Variants in GUF1 observed in about 807,000 individuals in gnomAD.
GUF1 encodes the protein GTP binding elongation factor GUF1.
Under a neutral mutation model 82.4 loss-of-function variants are expected in GUF1, and 78 were observed. That is an observed-to-expected ratio of 0.95 (90% CI 0.79 to 1.14). The LOEUF is 1.14. Ranked by LOEUF, GUF1 falls within the 50% of genes most tolerant of loss-of-function variation. GUF1 has a pLI of 0.00. For synonymous variants in GUF1, 279 were observed against 282.3 expected, an observed-to-expected ratio of 0.99 and a Z score of 0.12; for missense variants, 814 against 798.2, an observed-to-expected ratio of 1.02 and a Z score of -0.24.
At chr4:44,689,141 G>A in intron 9 of GUF1, 145 bp from the exon 10 acceptor site, 2 of 626,986 alleles carry the variant, frequency 3.2e-6, no homozygotes, top group Non-Finnish European at 4.7e-6. Context: ...TTCATTTTTA[G>A]CAAACCAATA....
At chr4:44,697,992 A>G (rs987324957) in intron 16 of GUF1, among the ~76,000 whole-genome samples, 3 of 152,114 alleles carry the variant, frequency 2.0e-5, no homozygotes, top group African/African-American at 7.2e-5. Flanking sequence ...CTGAAAATAC[A>G]AAAATTAGCC....
Position 44,697,445 on chromosome 4 carries a change from G to A in GUF1, c.1872+1G>A, listed in dbSNP as rs749905802. 6.5e-7 allele frequency: 1 copy of A among 1,530,538 alleles called. No individual in the cohort carries two copies. The highest frequency in any genetic ancestry group is 9.0e-7 in the Non-Finnish European group (1 of 1,115,714). The allele number at this position is 1,530,538 out of a possible 1,614,324, so 94.8% of individuals were successfully genotyped here. On this transcript the variant is annotated splice_donor_variant, in intron 16 of 16. Transcript: ENST00000281543. LOFTEE classifies it high-confidence loss of function. The stretch of plus-strand genomic sequence containing the variant: ...TAGGAAAAACGTTTTGGCAAAATGT[G>A]TATGTATCTAGTTGTATTTATTCTA...
chr4:44,686,452 A>G (rs1172724852), intron 7 of GUF1, 58 bp from the exon 8 acceptor site: 9 of 1,069,238 alleles, frequency 8.4e-6, no homozygotes, highest in African/African-American at 3.2e-5. Context: ...GAAAATAAGA[A>G]TTTTATTAAG....
At chr4:44,680,928 G>A (rs1289836697) in intron 3 of GUF1, 86 bp downstream of exon 3, 2 of 1,255,048 alleles carry the variant, frequency 1.6e-6, no homozygotes, top group South Asian at 1.4e-5. Flanking sequence ...TTTTTGAACT[G>A]AGTATTAAAC....
At chr4:44,684,900 A>ATTTCTTTTTTCCAGTAATG (rs1174243547) in intron 6 of GUF1, among the ~76,000 whole-genome samples, 2 of 152,120 alleles carry the variant, frequency 1.3e-5, no homozygotes, top group Non-Finnish European at 2.9e-5. Context: ...CATTTATTTG[A>ATTTCTTTTTTCCAGTAATG]TTTCTTTTTT....
Position 44,680,746 on chromosome 4 carries a change from G to A in GUF1, c.330G>A (p.Val110=). Residue 110 remains valine, a synonymous_variant, in exon 3 of 17, where the codon GTG becomes GTA. Transcript: ENST00000281543. ...NNKQVLDKLQ[V]ERERGITVKA... ...AGCAGGTTCTTGATAAATTGCAAGT[G>A]GAACGAGAAAGAGGAATCACTGTTA... is the stretch of plus-strand genomic sequence containing the variant. 6.2e-7 allele frequency: 1 copy of A among 1,610,858 alleles called. No homozygotes were observed. Among genetic ancestry groups the A allele is most frequent in the Non-Finnish European group, 8.5e-7 (1 of 1,177,846 alleles).
intron 16 of GUF1, among the ~76,000 whole-genome samples, chr4:44,698,099 TCCTGCCATTGTACTCCAG>T (rs1560350825): frequency 6.6e-6 from 1 of 152,146 alleles, no homozygotes; most frequent in Non-Finnish European, 1.5e-5. Context: ...TGAGCAGAGA[TCCTGCCATTGTACTCCAG>T]CCTGGGTGAG....
intron 7 of GUF1, 113 bp from the exon 8 acceptor site, chr4:44,686,397 T>C (rs1715051862): frequency 1.7e-6 from 1 of 579,838 alleles, no homozygotes; most frequent in South Asian, 3.4e-5. Flanking sequence ...ATTTAGGCTG[T>C]TGTGTATCAA....
chr4:44,678,592 A>AC lies in GUF1; in HGVS notation c.-28dup, dbSNP rs1350035136. ...GGCTATGCTGCTGTTGCGTGTGGGT[A>AC]CCCTCTCCTGACGCCTCCGCCGCCC... On this transcript the variant is annotated 5_prime_UTR_variant, in exon 1 of 17. An upstream open reading frame in the 5' UTR loses its in-frame stop. Transcript: ENST00000281543. 2.1e-6 allele frequency: 3 copies of AC among 1,436,058 alleles called. No homozygotes were observed. In the African/African-American group the frequency reaches 4.5e-5, roughly 22 times the overall value. 89.0% of individuals were successfully genotyped at this position (1,436,058 alleles called of 1,614,324 possible).
At chr4:44,679,234 A>AATTTGTGAG (rs1160811949) in intron 1 of GUF1, among the ~76,000 whole-genome samples, 2 of 152,162 alleles carry the variant, frequency 1.3e-5, no homozygotes, top group African/African-American at 4.8e-5. Context: ...TCCAGTGGCT[A>AATTTGTGAG]ATTTGTGAGA....
At chr4:44,688,173 G>T in intron 9 of GUF1, 27 bp downstream of exon 9, 1 of 1,582,608 alleles carries the variant, frequency 6.3e-7, no homozygotes, top group South Asian at 1.2e-5. Flanking sequence ...TTCAAAGGTT[G>T]AGGGCCATGA....
In GUF1 at chr4:44,680,486, T is replaced by G; in HGVS notation, c.211T>G (p.Phe71Val). 4.4e-6 allele frequency: 7 copies of G among 1,608,650 alleles called. No individual in the cohort carries two copies. The highest frequency in any genetic ancestry group is 5.9e-6 in the Non-Finnish European group (7 of 1,176,994). Reference protein sequence around the residue: ...SRFPVENIRNFSIVAHVDHGK... With the variant: ...SRFPVENIRNVSIVAHVDHGK... ...GTTTCCTGTTGAAAATATTAGAAAT[T>G]TCAGTATTGTTGCACACGTGGATCA... is the stretch of plus-strand genomic sequence containing the variant. Residue 71 changes from phenylalanine to valine, a missense_variant, in exon 2 of 17, where the codon TTC becomes GTC. Phe to Val is a conservative substitution (Grantham distance 50). Coordinates refer to ENST00000281543, the MANE Select transcript of GUF1 (RefSeq NM_021927.3).
rs1471454161 is a variant in GUF1 at position 44,698,787 on chromosome 4, C to A, written c.*106C>A. On this transcript the variant is annotated 3_prime_UTR_variant, in exon 17 of 17. Coordinates refer to ENST00000281543, the MANE Select transcript of GUF1 (RefSeq NM_021927.3). ...TTTCAGGGTATTCAGGTTCAAATAA[C>A]CTACTAGTCTTTCGTTGAAAGGGAG... is the stretch of plus-strand genomic sequence containing the variant. 3 of 991,120 alleles carry A rather than the reference C, an allele frequency of 3.0e-6. No individual in the cohort carries two copies. Among genetic ancestry groups the A allele is most frequent in the Admixed American group, 2.8e-5 (1 of 35,850 alleles). 61.4% of individuals were successfully genotyped at this position (991,120 alleles called of 1,614,324 possible).
Position 44,691,710 on chromosome 4 carries a change from T to C in GUF1, c.1524T>C (p.Asn508=). 3 of 1,584,672 alleles carry C rather than the reference T, an allele frequency of 1.9e-6. No individual in the cohort carries two copies. Among genetic ancestry groups the C allele is most frequent in the Non-Finnish European group, 2.6e-6 (3 of 1,158,824 alleles). The change falls in exon 13 of 17, where the codon AAT becomes AAC. Residue 508 remains asparagine, a synonymous_variant. Transcript: ENST00000281543. The part of the protein sequence containing the change: ...VQKNMIFIDQ[N]RVMLKYLFPL... ...AGAATATGATATTTATTGATCAAAA[T>C]AGAGTTATGCTTAAATATCTCTTTC...
intron 1 of GUF1, 101 bp downstream of exon 1, chr4:44,678,888 C>G (rs1714606334): frequency 1.6e-6 from 2 of 1,229,976 alleles, no homozygotes; most frequent in Admixed American, 3.8e-5. Context: ...AGCTCTGAAC[C>G]CTGCTTGCAA....
chr4:44,696,113 A>AT (rs956209085), intron 15 of GUF1, among the ~76,000 whole-genome samples: 31 of 151,774 alleles, frequency 2.0e-4, no homozygotes, highest in African/African-American at 3.9e-4. Context: ...CAAAATTACA[A>AT]TTTTTTTTTA....
intron 4 of GUF1, among the ~76,000 whole-genome samples, chr4:44,682,049 G>A (rs544491346): frequency 1.3e-5 from 2 of 152,134 alleles, no homozygotes; most frequent in Admixed American, 1.3e-4. Flanking sequence ...TTGAGCTGCC[G>A]TGTACCTTTC....
chr4:44,694,383 A>G (rs976998302), intron 13 of GUF1, 29 bp from the exon 14 acceptor site: 29 of 1,336,608 alleles, frequency 2.2e-5, no homozygotes, highest in Non-Finnish European at 2.9e-5. Flanking sequence ...GAAGTGTAAT[A>G]TTTATCACTT....
intron 16 of GUF1, 152 bp from the exon 17 acceptor site, chr4:44,698,392 T>C (rs1715981440): frequency 1.8e-6 from 1 of 555,180 alleles, no homozygotes; most frequent in Non-Finnish European, 3.1e-6. Context: ...GAGAAGACAG[T>C]AAAATTAGAT....
Sources: gnomAD v4.1 joint callset for allele counts (sites outside exome capture counted in the v4.1 genomes callset) on GRCh38, gnomAD v4.1.1 for gene constraint, MANE v1.5 for transcripts, NCBI Gene and HGNC (gene_info 2026-07-23, HGNC 2026-07-21) for gene names.